PPP6R2: variants seen among roughly 807,000 people sequenced by gnomAD.
PPP6R2 encodes the protein serine/threonine-protein phosphatase 6 regulatory subunit 2.
Under a neutral mutation model 100.2 loss-of-function variants are expected in PPP6R2, and 62 were observed. The ratio of observed to expected loss-of-function variants is 0.62; its 90% CI spans 0.50 to 0.76. PPP6R2 has a LOEUF of 0.76. Among genes scored for constraint, PPP6R2 ranks in the 30% least tolerant of loss-of-function variants. The probability of loss-of-function intolerance (pLI) is 0.00; values close to 1 mark genes in which losing one functional copy is unlikely to be tolerated. For missense variants in PPP6R2, 1,142 were observed against 1,276.3 expected (o/e 0.89, Z 1.60); for synonymous variants, 525 against 514.7 (o/e 1.02, Z -0.27).
At position 50,423,458 on chromosome 22, in the gene PPP6R2, G is replaced by A; in HGVS notation, c.973-4G>A. 2.5e-6 allele frequency: 4 copies of A among 1,614,212 alleles called. No individual in the cohort carries two copies. The highest frequency in any genetic ancestry group is 3.4e-6 in the Non-Finnish European group (4 of 1,180,020). ...TAACTGGGTGGTGCCTTCTGTGTTT[G>A]CAGAAGAAAGCGATCCTGACCACCA... is the stretch of plus-strand genomic sequence containing the variant. On this transcript the variant is annotated splice_region_variant and splice_polypyrimidine_tract_variant and intron_variant, in intron 9 of 23. Transcript: ENST00000612753. This position sits in a 1 kb window ranked among gnomAD's most constrained non-coding sequence, Gnocchi z 4.8.
intron 22 of PPP6R2, chr22:50,443,579 T>G: frequency 2.1e-6 from 1 of 486,500 alleles, no homozygotes; most frequent in Non-Finnish European, 3.7e-6. Context: ...GGCTCTGGGG[T>G]CCTTGAAGAA....
intron 22 of PPP6R2, among the ~76,000 whole-genome samples, chr22:50,442,660 C>T (rs535734376): frequency 6.6e-5 from 10 of 152,260 alleles, no homozygotes; most frequent in Admixed American, 2.0e-4. Context: ...CGCCATTCTC[C>T]TGCCTCAGTC....
At chr22:50,348,148 G>T (rs773858382) in intron 1 of PPP6R2, among the ~76,000 whole-genome samples, 4 of 152,188 alleles carry the variant, frequency 2.6e-5, no homozygotes, top group Non-Finnish European at 5.9e-5. Context: ...AGAGGCAGGA[G>T]CCTGGGCTGG....
chr22:50,419,180 A>G (rs1037139098), intron 7 of PPP6R2, among the ~76,000 whole-genome samples, 169 bp from the exon 8 acceptor site: 3 of 152,144 alleles, frequency 2.0e-5, no homozygotes, highest in African/African-American at 7.2e-5. Context: ...GTGGGTCTAG[A>G]GAGTGGGCCA....
chr22:50,437,162 A>C, intron 15 of PPP6R2, 94 bp downstream of exon 15: 489 of 1,210,260 alleles, frequency 4.0e-4, no homozygotes, highest in Non-Finnish European at 5.3e-4. Context: ...ATGGCATCTC[A>C]CTAGCAAAGG....
intron 1 of PPP6R2, among the ~76,000 whole-genome samples, chr22:50,365,157 C>T (rs937925918): frequency 9.2e-5 from 14 of 151,474 alleles, no homozygotes; most frequent in Non-Finnish European, 1.3e-4. Context: ...CCGCAACCTC[C>T]ACCTCCCGGG....
At chr22:50,418,755 G>A (rs2060900688) in intron 6 of PPP6R2, 112 bp from the exon 7 acceptor site, 1 of 799,364 alleles carries the variant, frequency 1.3e-6, no homozygotes, top group Admixed American at 2.1e-5. Context: ...AACAACGAAA[G>A]TCTAGCATCT....
chr22:50,393,351 G>C (rs965829526), intron 2 of PPP6R2: 8 of 979,264 alleles, frequency 8.2e-6, no homozygotes, highest in Middle Eastern at 1.0e-3. Flanking sequence ...AGCATCAGCT[G>C]TCTTGATTTT....
At chr22:50,351,986 G>A (rs1198447003) in intron 1 of PPP6R2, among the ~76,000 whole-genome samples, 3 of 151,920 alleles carry the variant, frequency 2.0e-5, no homozygotes, top group Non-Finnish European at 4.4e-5. Context: ...TAGTAGAGAC[G>A]GGGTTTCATC....
chr22:50,380,494 G>C (rs2052641175), intron 2 of PPP6R2, among the ~76,000 whole-genome samples: 1 of 151,466 alleles, frequency 6.6e-6, no homozygotes, highest in African/African-American at 2.4e-5. Flanking sequence ...CCGAGTAGCT[G>C]GGATTACAGG....
At chr22:50,352,743 A>C (rs1261170367) in intron 1 of PPP6R2, among the ~76,000 whole-genome samples, 3 of 130,504 alleles carry the variant, frequency 2.3e-5, no homozygotes, top group Non-Finnish European at 4.7e-5. Context: ...ACAAAAACAA[A>C]AAAAAAAAAC....
chr22:50,440,944 G>C lies in PPP6R2; in HGVS notation c.2497G>C (p.Ala833Pro), dbSNP rs79246959. 6.2e-4 allele frequency: 1,000 copies of C among 1,613,546 alleles called. 13 individuals are homozygous for C. The East Asian group carries it at 0.019, about 30-fold the overall frequency. Residue 833 changes from alanine to proline, a missense_variant, in exon 22 of 24, where the codon GCC (alanine) becomes CCC (proline). This residue lies in a region of PPP6R2 where 550 missense variants were observed against 517.4 expected (regional missense o/e 1.06). Transcript: ENST00000612753. ...GGATGGCGACCAGAAGGCAGCGAGTGCCATGGATGCGGTGAGCAGGGGTCC... is the reference window on the plus strand; with the variant it reads ...GGATGGCGACCAGAAGGCAGCGAGTCCCATGGATGCGGTGAGCAGGGGTCC... ...SEDGDQKAAS[A>P]MDAVSRGPGR...
intron 2 of PPP6R2, among the ~76,000 whole-genome samples, chr22:50,385,466 CG>C (rs1472653319): frequency 2.1e-5 from 3 of 141,614 alleles, no homozygotes; most frequent in Non-Finnish European, 3.1e-5. Flanking sequence ...CCCAAAATGC[CG>C]GGATTACAGC....
In PPP6R2 at chr22:50,393,329, G is replaced by A. The variant is rs535014226; in HGVS notation, c.-16-564G>A. Reference sequence around the variant, plus strand: ...GGCTGGGGGAGGCAGAGGAGTGAGCGCAGGGTCAGGCAGCATCAGCTGTCT... The same window carrying A: ...GGCTGGGGGAGGCAGAGGAGTGAGCACAGGGTCAGGCAGCATCAGCTGTCT... On this transcript the variant is annotated intron_variant, in intron 2 of 23. Transcript: ENST00000612753. 10 of 937,824 alleles carry A rather than the reference G, an allele frequency of 1.1e-5. No individual in the cohort carries two copies. In the Admixed American group the frequency reaches 2.5e-4, roughly 23 times the overall value. The allele number at this position is 937,824 out of a possible 1,614,324, so 58.1% of individuals were successfully genotyped here.
At position 50,431,276 on chromosome 22, in the gene PPP6R2, C is replaced by A. The variant is rs376747725; in HGVS notation, c.1229C>A (p.Ala410Asp). 2 of 1,613,624 alleles carry A rather than the reference C, an allele frequency of 1.2e-6. No individual in the cohort carries two copies. Among genetic ancestry groups the A allele is most frequent in the African/African-American group, 2.7e-5 (2 of 75,060 alleles). ...SHAAREERTE[A>D]SGSESRVEPP... ...GCTGCCCGTGAGGAGAGGACAGAAG[C>A]CAGCGGATCCGAGAGCAGGGTGGAG... The change falls in exon 11 of 24, where the codon GCC (alanine) becomes GAC (aspartate). Residue 410 changes from alanine (A) to aspartate (D), a missense_variant. Ala to Asp is a moderately radical substitution (Grantham distance 126, BLOSUM62 -2). This residue lies in a region of PPP6R2 where 592 missense variants were observed against 758.9 expected (regional missense o/e 0.78). Transcript: ENST00000612753. This position sits in a 1 kb window ranked among gnomAD's most constrained non-coding sequence, Gnocchi z 4.8.
At chr22:50,355,897 C>T (rs893171982) in intron 1 of PPP6R2, among the ~76,000 whole-genome samples, 3 of 149,348 alleles carry the variant, frequency 2.0e-5, no homozygotes, top group Non-Finnish European at 4.4e-5. Context: ...AAAAAGTGTA[C>T]ACATAACACA....
At position 50,412,845 on chromosome 22, in the gene PPP6R2, A is replaced by G. The variant is rs575939634; in HGVS notation, c.415-1707A>G. 2.7e-5 allele frequency among the ~76,000 whole-genome samples: 4 copies of G among 149,494 alleles called. 1 individual carries two copies. Among genetic ancestry groups the G allele is most frequent in the African/African-American group, 9.9e-5 (4 of 40,580 alleles). On this transcript the variant is annotated intron_variant, in intron 4 of 23. Transcript: ENST00000612753. ...TTTTTAGTAGAGACGGGGTTTCACC[A>G]TGTTAGCCAGGATGGTCTTGATCTC...
intron 11 of PPP6R2, 24 bp from the exon 12 acceptor site, chr22:50,432,241 C>A: frequency 6.5e-7 from 1 of 1,547,440 alleles, no homozygotes; most frequent in Non-Finnish European, 8.7e-7. Context: ...CTGACTCACG[C>A]TGTCCCCCTG....
chr22:50,415,132 C>A (rs562647453), intron 5 of PPP6R2, among the ~76,000 whole-genome samples: 7 of 152,228 alleles, frequency 4.6e-5, no homozygotes, highest in African/African-American at 9.6e-5. Flanking sequence ...TGCGTCTGTT[C>A]TGATGGTGTT....
Sources: allele counts gnomAD v4.1 joint callset (sites outside exome capture counted in the v4.1 genomes callset), GRCh38; gene constraint gnomAD v4.1.1; regional missense constraint gnomAD v4.1.1; non-coding constraint Gnocchi (gnomAD v3.1); transcripts MANE v1.5; gene names NCBI Gene and HGNC (gene_info 2026-07-23, HGNC 2026-07-21).